ABCB11: variants seen among roughly 807,000 people sequenced by gnomAD.
The protein encoded by ABCB11 is bile salt export pump.
In ABCB11, 95 loss-of-function variants were observed where a neutral mutation model predicts 148.0. The ratio of observed to expected loss-of-function variants is 0.64; its 90% CI spans 0.54 to 0.76. The LOEUF (loss-of-function observed/expected upper bound fraction) is 0.76, where lower values mean the gene tolerates loss of function less well. ABCB11 is among the 30% of genes least tolerant of loss of function. The pLI is 0.00. For synonymous variants in ABCB11, 591 were observed against 555.4 expected (o/e 1.06, Z -0.90); for missense variants, 1,523 against 1,617.8 (o/e 0.94, Z 1.01).
At chr2:168,930,019 AG>A (rs538286718) in intron 25 of ABCB11, among the ~76,000 whole-genome samples, 1 of 152,296 alleles carries the variant, frequency 6.6e-6, no homozygotes, top group Middle Eastern at 3.4e-3. Context: ...AGCATAAAGC[AG>A]GGGGGTGGCT....
chr2:168,925,815 G>A (rs1296920834), intron 26 of ABCB11, among the ~76,000 whole-genome samples: 1 of 152,216 alleles, frequency 6.6e-6, no homozygotes, highest in African/African-American at 2.4e-5. Flanking sequence ...AAGTCTGTAT[G>A]AGGACAATGC....
At chr2:168,988,284 A>T (rs73018782) in intron 9 of ABCB11, among the ~76,000 whole-genome samples, 10,011 of 151,800 alleles carry the variant, frequency 0.066, 360 homozygotes, top group African/African-American at 0.078. Context: ...GCCCCCTCCC[A>T]CCTCAAAGTC....
chr2:168,970,502 T>G (rs1693537756), intron 14 of ABCB11: 1 of 679,968 alleles, frequency 1.5e-6, no homozygotes, highest in Non-Finnish European at 2.3e-6. Flanking sequence ...AAATAAAAAT[T>G]GGTCACGGTC....
intron 4 of ABCB11, among the ~76,000 whole-genome samples, chr2:169,013,890 T>A (rs1298389316): frequency 2.6e-5 from 4 of 152,154 alleles, no homozygotes; most frequent in African/African-American, 9.7e-5. Flanking sequence ...TATAAATTGT[T>A]TTGTTGAACT....
intron 7 of ABCB11, 111 bp from the exon 8 acceptor site, chr2:168,993,993 C>T (rs1694633175): frequency 1.1e-6 from 1 of 915,978 alleles, no homozygotes; most frequent in Admixed American, 2.9e-5. Context: ...ATCCCTATCA[C>T]CCTTGGATAG....
chr2:168,965,867 T>A (rs1024309287), intron 17 of ABCB11, among the ~76,000 whole-genome samples: 1 of 151,852 alleles, frequency 6.6e-6, no homozygotes, highest in Non-Finnish European at 1.5e-5. Context: ...ATGTATCAAC[T>A]GAGTTGCTCC....
At chr2:168,943,127 T>C (rs184758568) in intron 21 of ABCB11, among the ~76,000 whole-genome samples, 6 of 152,078 alleles carry the variant, frequency 3.9e-5, no homozygotes, top group Admixed American at 2.0e-4. Flanking sequence ...CTCTGAATTC[T>C]AGTGATAGCA....
At chr2:168,972,392 A>T in intron 13 of ABCB11, among the ~76,000 whole-genome samples, 1 of 152,012 alleles carries the variant, frequency 6.6e-6, no homozygotes, top group East Asian at 1.9e-4. Flanking sequence ...GACTTTTGAC[A>T]AAAATGGACT....
At chr2:169,025,116 T>C (rs2106072729) in intron 1 of ABCB11, among the ~76,000 whole-genome samples, 1 of 152,288 alleles carries the variant, frequency 6.6e-6, no homozygotes, top group South Asian at 2.1e-4. Flanking sequence ...AATTTTAAAA[T>C]ACAATATTAA....
chr2:168,964,902 T>C (rs546515091), intron 17 of ABCB11, among the ~76,000 whole-genome samples: 1 of 151,974 alleles, frequency 6.6e-6, no homozygotes, highest in African/African-American at 2.4e-5. Flanking sequence ...CAGAAGCTTA[T>C]TGGGCATCTA....
chr2:168,980,196 TA>T (rs1694087647), intron 10 of ABCB11, among the ~76,000 whole-genome samples: 1 of 100,178 alleles, frequency 1.0e-5, no homozygotes, highest in Non-Finnish European at 2.2e-5. Flanking sequence ...AATACCACTT[TA>T]TTTTTTTACT....
chr2:169,022,412 G>A (rs1026516738), intron 1 of ABCB11, among the ~76,000 whole-genome samples: 1 of 151,830 alleles, frequency 6.6e-6, no homozygotes, highest in African/African-American at 2.4e-5. Context: ...TAAATCATAA[G>A]CAAATACTAA....
intron 1 of ABCB11, among the ~76,000 whole-genome samples, chr2:169,021,457 C>A (rs1296634630): frequency 2.6e-5 from 4 of 152,016 alleles, no homozygotes; most frequent in African/African-American, 9.6e-5. Flanking sequence ...AAGTACAATC[C>A]AGCTAGAAGA....
chr2:168,984,989 C>T (rs1694264450), intron 10 of ABCB11, among the ~76,000 whole-genome samples: 1 of 152,198 alleles, frequency 6.6e-6, no homozygotes, highest in Non-Finnish European at 1.5e-5. Context: ...AGCGAGTAAA[C>T]AGACAACCCA....
intron 22 of ABCB11, 101 bp downstream of exon 22, chr2:168,936,129 G>T: frequency 8.5e-7 from 1 of 1,169,774 alleles, no homozygotes; most frequent in Non-Finnish European, 1.2e-6. Context: ...TGTCTTGTGG[G>T]CTGACAGCTT....
chr2:169,030,424 A>G (rs1695832856), intron 1 of ABCB11, among the ~76,000 whole-genome samples: 2 of 152,230 alleles, frequency 1.3e-5, no homozygotes, highest in African/African-American at 4.8e-5. Flanking sequence ...ACAACAGCTC[A>G]TAAATAAGTT....
intron 3 of ABCB11, among the ~76,000 whole-genome samples, 169 bp from the exon 4 acceptor site, chr2:169,014,523 T>G (rs143528190): frequency 3.8e-4 from 58 of 152,286 alleles, no homozygotes; most frequent in African/African-American, 1.3e-3. Flanking sequence ...TCTTCTAGAT[T>G]TCCCTCTTCT....
chr2:169,002,368 A>T (rs1225864560), intron 5 of ABCB11, among the ~76,000 whole-genome samples: 1 of 152,342 alleles, frequency 6.6e-6, no homozygotes, highest in Middle Eastern at 3.4e-3. Flanking sequence ...AAATTAGTAC[A>T]GTCATTATGG....
chr2:168,980,802 G>C (rs948772504), intron 10 of ABCB11, among the ~76,000 whole-genome samples: 2 of 152,076 alleles, frequency 1.3e-5, no homozygotes, highest in Non-Finnish European at 2.9e-5. Context: ...TTAGGGGAAG[G>C]CTACCTGATC....
Sources: allele counts gnomAD v4.1 joint callset (sites outside exome capture counted in the v4.1 genomes callset), GRCh38; gene constraint gnomAD v4.1.1; transcripts MANE v1.5; gene names NCBI Gene and HGNC (gene_info 2026-07-23, HGNC 2026-07-21).